LCK: variants seen among roughly 807,000 people sequenced by gnomAD.
LCK encodes the protein LCK proto-oncogene, Src family tyrosine kinase, also known as tyrosine-protein kinase Lck.
Under a neutral mutation model 64.6 loss-of-function variants are expected in LCK, and 14 were observed. The ratio of observed to expected loss-of-function variants is 0.22; its 90% confidence interval spans 0.14 to 0.34. The LOEUF (loss-of-function observed/expected upper bound fraction) is 0.34, where lower values mean the gene tolerates loss of function less well. Among genes scored for constraint, LCK ranks in the 10% least tolerant of loss-of-function variants. The pLI, the probability that LCK is intolerant of heterozygous loss-of-function variation, is 1.00. For missense variants in LCK, 434 were observed against 668.1 expected (o/e 0.65, Z 3.86); for synonymous variants, 277 against 263.6 (o/e 1.05, Z -0.49).
intron 1 of LCK, among the ~76,000 whole-genome samples, chr1:32,262,266 C>A (rs866839651): frequency 7.1e-6 from 1 of 141,270 alleles, no homozygotes; most frequent in African/African-American, 2.6e-5. Context: ...TTTGGGAAGC[C>A]GAGGCAGGTG....
chr1:32,283,959 C>A (rs1410544834), intron 12 of LCK, among the ~76,000 whole-genome samples: 1 of 152,056 alleles, frequency 6.6e-6, no homozygotes, highest in African/African-American at 2.4e-5. Context: ...CAGCTCACTG[C>A]AACCTCTACC....
chr1:32,274,894 A>G, intron 3 of LCK, 76 bp downstream of exon 3: 3 of 1,613,430 alleles, frequency 1.9e-6, no homozygotes, highest in African/African-American at 1.3e-5. Context: ...TCCCCCACCT[A>G]CTTTCTCCCC....
intron 1 of LCK, among the ~76,000 whole-genome samples, chr1:32,272,646 A>AGAGAGAGAGAGAGAGC (rs1640121954): frequency 1.5e-5 from 2 of 132,306 alleles, no homozygotes; most frequent in African/African-American, 4.3e-5. Context: ...AGAGAGAGAG[A>AGAGAGAGAGAGAGAGC]GAGCGAGAGA....
Position 32,274,193 on chromosome 1 carries a change from G to A in LCK, c.-5-132G>A, listed in dbSNP as rs1557582662. 7 of 1,522,632 alleles carry A rather than the reference G, an allele frequency of 4.6e-6. No homozygotes were observed. In the Admixed American group the frequency reaches 1.2e-4, roughly 27 times the overall value. The allele number at this position is 1,522,632 out of a possible 1,614,324, so 94.3% of individuals were successfully genotyped here. Reference sequence around the variant, plus strand: ...CCCCTATTTTAGCTTTTCTGTGGCTGGTGAATGGGGATCCCAGGATCTCAC... The same window carrying A: ...CCCCTATTTTAGCTTTTCTGTGGCTAGTGAATGGGGATCCCAGGATCTCAC... On this transcript the variant is annotated intron_variant, in intron 1 of 12. Transcript: ENST00000336890.
intron 1 of LCK, among the ~76,000 whole-genome samples, chr1:32,266,602 TCCG>T (rs977608587): frequency 6.5e-5 from 9 of 138,612 alleles, no homozygotes; most frequent in African/African-American, 2.3e-4. Flanking sequence ...CTCCTCCTCC[TCCG>T]CCACCACCAC....
Position 32,274,337 on chromosome 1 carries a change from G to T in LCK, c.8G>T (p.Cys3Phe). MGCGCSSHPEDDW... is the reference protein window; with the variant it reads MGFGCSSHPEDDW... ...TCCATTCCCTCAGGGACCATGGGCT[G>T]TGGCTGCAGCTCACACCCGGAAGAT... The change falls in exon 2 of 13, where the codon TGT (cysteine) becomes TTT (phenylalanine). Residue 3 changes from cysteine (C) to phenylalanine (F), a missense_variant. Physicochemically the swap from Cys to Phe is radical, Grantham distance 205. Around this residue, in one of 2 missense-constraint regions of LCK, gnomAD observed 233 missense variants for 291.2 expected, o/e 0.80. Coordinates refer to ENST00000336890, the MANE Select transcript of LCK (RefSeq NM_005356.5). The T allele has an allele frequency of 6.2e-7, 1 of 1,614,136 alleles. No homozygotes were observed. Among genetic ancestry groups the T allele is most frequent in the Non-Finnish European group, 8.5e-7 (1 of 1,179,990 alleles).
intron 1 of LCK, among the ~76,000 whole-genome samples, chr1:32,260,839 C>T (rs1168652672): frequency 6.6e-6 from 1 of 152,070 alleles, no homozygotes; most frequent in Non-Finnish European, 1.5e-5. Context: ...CCAGGTTGGT[C>T]TTGAACTCCT....
intron 1 of LCK, among the ~76,000 whole-genome samples, chr1:32,260,214 T>C (rs889237440): frequency 6.6e-6 from 1 of 152,088 alleles, no homozygotes; most frequent in Admixed American, 6.6e-5. Context: ...GGTTTCGCCA[T>C]GTTGGCCAGA....
chr1:32,264,609 C>T (rs1454804883), intron 1 of LCK, among the ~76,000 whole-genome samples: 1 of 152,036 alleles, frequency 6.6e-6, no homozygotes, highest in Non-Finnish European at 1.5e-5. Context: ...GGCTGATGAA[C>T]TGTATTTGTG....
At chr1:32,252,762 G>A (rs887907389) in intron 1 of LCK, among the ~76,000 whole-genome samples, 13 of 152,238 alleles carry the variant, frequency 8.5e-5, no homozygotes, top group African/African-American at 3.1e-4. Context: ...CAGAGGAGGG[G>A]AGAAGGTGTC....
In LCK at chr1:32,275,491, G is replaced by C; in HGVS notation, c.377+72G>C. ...TCCTGGAGCAGGGAGTAGGCCTGGG[G>C]TGGCGGTGAAGGCTTGAGGGCCACG... On this transcript the variant is annotated intron_variant, in intron 5 of 12. Transcript: ENST00000336890. The surrounding 1 kb of genome is among the most constrained non-coding windows in gnomAD (Gnocchi z 6.9). 1 of 1,574,922 alleles carries C rather than the reference G, an allele frequency of 6.3e-7. No homozygotes were observed. The highest frequency in any genetic ancestry group is 1.1e-5 in the South Asian group (1 of 88,394).
In LCK at chr1:32,276,622, A is replaced by C; in HGVS notation, c.800A>C (p.His267Pro). 2 of 1,612,024 alleles carry C rather than the reference A, an allele frequency of 1.2e-6. No individual in the cohort carries two copies. The highest frequency in any genetic ancestry group is 1.1e-5 in the South Asian group (1 of 90,798). The change falls in exon 9 of 13, where the codon CAC becomes CCC. Residue 267 changes from histidine (H) to proline (P), a missense_variant. Coordinates refer to ENST00000336890, the MANE Select transcript of LCK (RefSeq NM_005356.5). The surrounding 1 kb of genome is among the most constrained non-coding windows in gnomAD (Gnocchi z 4.6). ...GEVWMGYYNG[H>P]TKVAVKSLKQ... ...CCCGACCCAGGGTACTACAACGGGC[A>C]CACGAAGGTGGCGGTGAAGAGCCTG...
chr1:32,261,989 C>T (rs1318638418), intron 1 of LCK, among the ~76,000 whole-genome samples: 2 of 148,078 alleles, frequency 1.4e-5, no homozygotes, highest in East Asian at 2.1e-4. Flanking sequence ...ATTCTCCTGC[C>T]TCAGCCTCCC....
intron 1 of LCK, among the ~76,000 whole-genome samples, chr1:32,273,684 A>T (rs1448185982): frequency 6.6e-6 from 1 of 152,036 alleles, no homozygotes; most frequent in African/African-American, 2.4e-5. Flanking sequence ...CTGCTAAAAC[A>T]GGCAAATAAA....
chr1:32,252,683 G>C (rs1308097165), intron 1 of LCK, among the ~76,000 whole-genome samples: 1 of 152,192 alleles, frequency 6.6e-6, no homozygotes, highest in Non-Finnish European at 1.5e-5. Flanking sequence ...TGGGCCCCAG[G>C]AACAGAGGCT....
At chr1:32,266,678 CTCCCCTTCCCCCTCCTCCCCA>C (rs1164288174) in intron 1 of LCK, among the ~76,000 whole-genome samples, 4 of 84,888 alleles carry the variant, frequency 4.7e-5, no homozygotes, top group African/African-American at 9.6e-5. Flanking sequence ...TCTCCTCCCC[CTCCCCTTCCCCCTCCTCCCCA>C]TCCCCTTCCC....
At chr1:32,255,595 T>C (rs964490769) in intron 1 of LCK, among the ~76,000 whole-genome samples, 2 of 152,112 alleles carry the variant, frequency 1.3e-5, no homozygotes, top group Non-Finnish European at 2.9e-5. Flanking sequence ...TGTGCGGCCA[T>C]GTTGTCGGCA....
chr1:32,265,715 A>G (rs1322286947), intron 1 of LCK, among the ~76,000 whole-genome samples: 1 of 152,046 alleles, frequency 6.6e-6, no homozygotes, highest in East Asian at 1.9e-4. Context: ...CCCAGCCTGG[A>G]CCAGGTACCA....
chr1:32,273,401 T>C (rs1640165846), intron 1 of LCK, among the ~76,000 whole-genome samples: 1 of 150,220 alleles, frequency 6.7e-6, no homozygotes, highest in African/African-American at 2.5e-5. Context: ...ATAGGGTGTG[T>C]GTGAGTGTGT....
Sources: gnomAD v4.1 joint callset for allele counts (sites outside exome capture counted in the v4.1 genomes callset) on GRCh38, gnomAD v4.1.1 for gene constraint, gnomAD v4.1.1 regional missense constraint, Gnocchi (gnomAD v3.1) non-coding constraint, MANE v1.5 for transcripts, NCBI Gene and HGNC (gene_info 2026-07-23, HGNC 2026-07-21) for gene names.